Variants in TNRC18 observed in about 807,000 individuals in gnomAD.
TNRC18 encodes the protein trinucleotide repeat-containing gene 18 protein.
In TNRC18, 69 loss-of-function variants were observed where a neutral mutation model predicts 226.7. That is an observed-to-expected ratio of 0.30 (90% confidence interval 0.25 to 0.37). The LOEUF (loss-of-function observed/expected upper bound fraction) is 0.37. Ranked by LOEUF, TNRC18 falls within the 10% of genes least tolerant of loss-of-function variation. The pLI, the probability that TNRC18 is intolerant of heterozygous loss-of-function variation, is 1.00. For synonymous variants in TNRC18, 2,449 were observed against 1,927.6 expected (o/e 1.27, Z -7.09); for missense variants, 4,754 against 4,256.6 (o/e 1.12, Z -3.25).
At chr7:5,361,813 C>T (rs932970139) in intron 13 of TNRC18, 84 bp downstream of exon 13, 47 of 1,519,358 alleles carry the variant, frequency 3.1e-5, no homozygotes, top group East Asian at 9.9e-5. Flanking sequence ...GCCGGGTCCA[C>T]GCACACCTCG....
chr7:5,314,245 T>C (rs1191611140), intron 26 of TNRC18, among the ~76,000 whole-genome samples: 2 of 152,044 alleles, frequency 1.3e-5, no homozygotes, highest in African/African-American at 2.4e-5. Flanking sequence ...GTGCTGAGAA[T>C]AGGCGTGGAC....
At position 5,369,532 on chromosome 7, in the gene TNRC18, T is replaced by C. The variant is rs189569996; in HGVS notation, c.4219+843A>G. ...CCCCAGTGAGGACAGTAAGTCGGCC[T>C]TGAATGAGGCCAACAGAGAGAAAAG... On this transcript the variant is annotated intron_variant, in intron 11 of 29. Transcript: ENST00000430969. Among the ~76,000 whole-genome samples, 466 of 151,960 alleles carry C rather than the reference T, an allele frequency of 3.1e-3. 3 individuals are homozygous for C. The highest frequency in any genetic ancestry group is 0.011 in the African/African-American group (436 of 41,446).
At position 5,368,580 on chromosome 7, in the gene TNRC18, G is replaced by A. The variant is rs539435995; in HGVS notation, c.4219+1795C>T. On this transcript the variant is annotated intron_variant, in intron 11 of 29. Transcript: ENST00000430969. Reference sequence around the variant, plus strand: ...TCAGGAGGCTGAGGCAGGAAAAATCGCTTGAACCTGGGAGGCGGAAGTTGC... The same window carrying A: ...TCAGGAGGCTGAGGCAGGAAAAATCACTTGAACCTGGGAGGCGGAAGTTGC... 6.1e-5 allele frequency among the ~76,000 whole-genome samples: 9 copies of A among 146,370 alleles called. No homozygotes were observed. In the East Asian group the frequency reaches 8.0e-4, roughly 13 times the overall value.
chr7:5,401,127 T>C (rs1258201087), intron 2 of TNRC18, among the ~76,000 whole-genome samples: 2 of 151,356 alleles, frequency 1.3e-5, no homozygotes, highest in African/African-American at 2.4e-5. Context: ...TCACCCACCA[T>C]GTCTGGCCCA....
intron 2 of TNRC18, among the ~76,000 whole-genome samples, chr7:5,411,479 T>A (rs1472279957): frequency 8.2e-6 from 1 of 122,376 alleles, no homozygotes; most frequent in African/African-American, 3.3e-5. Context: ...GATGACACCA[T>A]CACACTCCAG....
chr7:5,381,245 C>T (rs1583995944), intron 5 of TNRC18, among the ~76,000 whole-genome samples: 1 of 152,232 alleles, frequency 6.6e-6, no homozygotes, highest in East Asian at 1.9e-4. Context: ...TGGCCGGGCC[C>T]CTCCTCTACC....
At chr7:5,335,140 T>TA (rs759584703) in intron 18 of TNRC18, among the ~76,000 whole-genome samples, 58 of 149,452 alleles carry the variant, frequency 3.9e-4, no homozygotes, top group Non-Finnish European at 7.3e-4. Flanking sequence ...CTGTCTCTGC[T>TA]AAAAATACAA....
chr7:5,393,489 T>C (rs1469750329), intron 3 of TNRC18, among the ~76,000 whole-genome samples: 1 of 152,158 alleles, frequency 6.6e-6, no homozygotes, highest in African/African-American at 2.4e-5. Flanking sequence ...CGGTCAGACC[T>C]GGCCCCGCAG....
chr7:5,388,813 C>T lies in TNRC18; in HGVS notation c.1011G>A (p.Pro337=). 1.7e-6 allele frequency: 2 copies of T among 1,147,522 alleles called. No homozygotes were observed. Among genetic ancestry groups the T allele is most frequent in the Non-Finnish European group, 2.1e-6 (2 of 934,922 alleles). The allele number at this position is 1,147,522 out of a possible 1,614,324, so 71.1% of individuals were successfully genotyped here. ...GPRPCPSPLP[P]PPAPPKGPPA... ...GAGGCCCCTTGGGGGGCGCGGGCGGCGGGGGCAGCGGTGAGGGGCAGGGGC... is the reference window on the plus strand; with the variant it reads ...GAGGCCCCTTGGGGGGCGCGGGCGGTGGGGGCAGCGGTGAGGGGCAGGGGC... The change falls in exon 5 of 30, where the codon CCG becomes CCA. Residue 337 remains proline, a synonymous_variant. Transcript: ENST00000430969.
chr7:5,331,141 G>A (rs1046605451), intron 19 of TNRC18, among the ~76,000 whole-genome samples: 18 of 152,154 alleles, frequency 1.2e-4, no homozygotes, highest in African/African-American at 4.1e-4. Flanking sequence ...GGAAATCAAT[G>A]TGACTCTCAT....
At chr7:5,333,114 ACATGGACAC>A (rs1226071135) in intron 18 of TNRC18, 65 bp from the exon 19 acceptor site, 166 of 1,508,312 alleles carry the variant, frequency 1.1e-4, no homozygotes, top group Non-Finnish European at 1.4e-4. Context: ...CCACCCAGCC[ACATGGACAC>A]CATTCCTCCC....
At chr7:5,375,637 A>G (rs539655884) in intron 9 of TNRC18, among the ~76,000 whole-genome samples, 1 of 152,244 alleles carries the variant, frequency 6.6e-6, no homozygotes, top group East Asian at 1.9e-4. Flanking sequence ...GCAGCTGGCC[A>G]GGCCTCCTTG....
chr7:5,378,063 C>A, intron 5 of TNRC18, 39 bp from the exon 6 acceptor site: 2 of 1,568,768 alleles, frequency 1.3e-6, no homozygotes, highest in South Asian at 2.2e-5. Flanking sequence ...CCAGCCAGCA[C>A]CGAGCCCATC....
Position 5,390,358 on chromosome 7 carries a change from CAAAAA to C in TNRC18, c.487+122_487+126del, listed in dbSNP as rs11295332. On this transcript the variant is annotated intron_variant, in intron 4 of 29. Coordinates refer to ENST00000430969, the MANE Select transcript of TNRC18 (RefSeq NM_001080495.3). ...TGGGCAACATAGTGAGACCCTGTCTCAAAAAAAAAAAAAAAAAAAAAGCCAGCATC... is the reference window on the plus strand; with the variant it reads ...TGGGCAACATAGTGAGACCCTGTCTCAAAAAAAAAAAAAAAAGCCAGCATC... 9.4e-3 allele frequency: 6,682 copies of C among 710,854 alleles called. No homozygotes were observed. The highest frequency in any genetic ancestry group is 0.017 in the South Asian group (788 of 47,322). 44.0% of individuals were successfully genotyped at this position (710,854 alleles called of 1,614,324 possible).
intron 29 of TNRC18, among the ~76,000 whole-genome samples, chr7:5,308,623 G>GAGTC (rs975570687): frequency 6.6e-6 from 1 of 152,016 alleles, no homozygotes; most frequent in Non-Finnish European, 1.5e-5. Flanking sequence ...GACCCAGAGA[G>GAGTC]AGTCAGAGGG....
chr7:5,370,598 C>T lies in TNRC18; in HGVS notation c.3996G>A (p.Leu1332=). ...FLEEASSDQF[L]PSLEDPLAGM... The stretch of plus-strand genomic sequence containing the variant: ...CAGCCAGTGGGTCCTCCAGACTGGG[C>T]AGGAACTGGTCAGAGCTTGCCTCTT... Residue 1332 remains leucine, a synonymous_variant, in exon 11 of 30, where the codon CTG becomes CTA. Coordinates refer to ENST00000430969, the MANE Select transcript of TNRC18 (RefSeq NM_001080495.3). 6.2e-7 allele frequency: 1 copy of T among 1,613,326 alleles called. No individual in the cohort carries two copies. Among genetic ancestry groups the T allele is most frequent in the East Asian group, 2.2e-5 (1 of 44,878 alleles).
intron 11 of TNRC18, among the ~76,000 whole-genome samples, chr7:5,370,005 A>C (rs1021422465): frequency 1.5e-4 from 23 of 152,262 alleles, no homozygotes; most frequent in African/African-American, 4.8e-4. Context: ...ATAATTTAAA[A>C]ATCTTATAAA....
intron 17 of TNRC18, among the ~76,000 whole-genome samples, chr7:5,351,079 G>A (rs758522210): frequency 6.6e-6 from 1 of 152,122 alleles, no homozygotes; most frequent in Non-Finnish European, 1.5e-5. Context: ...AGGTGAAGGC[G>A]CTTGATTTTA....
chr7:5,348,258 C>T (rs1025370229), intron 17 of TNRC18, among the ~76,000 whole-genome samples: 3 of 152,202 alleles, frequency 2.0e-5, no homozygotes, highest in Non-Finnish European at 4.4e-5. Context: ...ATCCAAAGTG[C>T]CACCCATGAG....
Sources: gnomAD v4.1 joint callset for allele counts (sites outside exome capture counted in the v4.1 genomes callset) on GRCh38, gnomAD v4.1.1 for gene constraint, MANE v1.5 for transcripts, NCBI Gene and HGNC (gene_info 2026-07-23, HGNC 2026-07-21) for gene names.